SH3RF3: variants seen among roughly 807,000 people sequenced by gnomAD.
SH3RF3 encodes SH3 domain containing ring finger 3, also known as E3 ubiquitin-protein ligase SH3RF3.
Under a neutral mutation model 66.3 loss-of-function variants are expected in SH3RF3, and 29 were observed. That is an observed-to-expected ratio of 0.44 (90% CI 0.33 to 0.60). The LOEUF is 0.60. SH3RF3 is among the 20% of genes least tolerant of loss of function. SH3RF3 has a pLI of 0.04. For synonymous variants in SH3RF3, 583 were observed against 532.0 expected (o/e 1.10, Z -1.32); for missense variants, 1,194 against 1,190.9 (o/e 1.00, Z -0.04).
intron 1 of SH3RF3, among the ~76,000 whole-genome samples, chr2:109,280,163 T>A (rs1016611077): frequency 1.3e-5 from 2 of 152,292 alleles, no homozygotes; most frequent in Non-Finnish European, 2.9e-5. Context: ...CATAAAGAGC[T>A]GACATCTATA....
At chr2:109,428,540 T>C (rs1040130249) in intron 5 of SH3RF3, among the ~76,000 whole-genome samples, 1 of 152,230 alleles carries the variant, frequency 6.6e-6, no homozygotes, top group South Asian at 2.1e-4. Flanking sequence ...ACTGCACACC[T>C]GCCGCGGCCA....
chr2:109,400,226 G>T (rs182084265), intron 4 of SH3RF3, among the ~76,000 whole-genome samples: 5 of 151,662 alleles, frequency 3.3e-5, no homozygotes, highest in African/African-American at 9.7e-5. Context: ...ACACATGCAC[G>T]CACACACACA....
At chr2:109,145,572 G>A (rs1677074829) in intron 1 of SH3RF3, among the ~76,000 whole-genome samples, 1 of 152,192 alleles carries the variant, frequency 6.6e-6, no homozygotes, top group African/African-American at 2.4e-5. Context: ...CTGTCCGGGG[G>A]GCCTCACTGT....
chr2:109,281,091 T>G (rs1247786778), intron 1 of SH3RF3, among the ~76,000 whole-genome samples: 1 of 152,190 alleles, frequency 6.6e-6, no homozygotes, highest in African/African-American at 2.4e-5. Flanking sequence ...GACTGGTTAC[T>G]TACTGCACAC....
intron 1 of SH3RF3, among the ~76,000 whole-genome samples, chr2:109,200,802 C>T (rs1574500941): frequency 6.6e-6 from 1 of 152,364 alleles, no homozygotes; most frequent in Non-Finnish European, 1.5e-5. Context: ...AGAAGAAAAA[C>T]ACAGGGCCCT....
At chr2:109,145,425 T>C (rs1677071664) in intron 1 of SH3RF3, among the ~76,000 whole-genome samples, 1 of 152,208 alleles carries the variant, frequency 6.6e-6, no homozygotes, top group Admixed American at 6.5e-5. Flanking sequence ...GTTGGCTCTT[T>C]GCTTATGGAA....
At chr2:109,243,078 C>T (rs1411231619) in intron 1 of SH3RF3, among the ~76,000 whole-genome samples, 1 of 152,206 alleles carries the variant, frequency 6.6e-6, no homozygotes, top group African/African-American at 2.4e-5. Flanking sequence ...GTTCATATTC[C>T]TGTAGCGTCA....
chr2:109,491,625 G>A (rs149344412), intron 9 of SH3RF3, among the ~76,000 whole-genome samples: 37 of 152,246 alleles, frequency 2.4e-4, no homozygotes, highest in African/African-American at 8.4e-4. Flanking sequence ...GGCTAGAGGC[G>A]TACCTGGCTT....
At chr2:109,477,077 A>C (rs1573284438) in intron 8 of SH3RF3, among the ~76,000 whole-genome samples, 2 of 152,110 alleles carry the variant, frequency 1.3e-5, no homozygotes, top group Non-Finnish European at 2.9e-5. Context: ...CTGGGAATGC[A>C]CCCCAGTAGG....
At chr2:109,359,826 A>C (rs1683019016) in intron 2 of SH3RF3, among the ~76,000 whole-genome samples, 1 of 152,146 alleles carries the variant, frequency 6.6e-6, no homozygotes, top group East Asian at 1.9e-4. Flanking sequence ...TTTATTTTCC[A>C]CACATGCCCA....
chr2:109,397,216 A>G (rs1487142960), intron 3 of SH3RF3, among the ~76,000 whole-genome samples: 1 of 152,128 alleles, frequency 6.6e-6, no homozygotes, highest in Non-Finnish European at 1.5e-5. Context: ...ACTCAGAGAC[A>G]GCTCCCGCTT....
At chr2:109,455,727 C>T (rs1225268514) in intron 8 of SH3RF3, among the ~76,000 whole-genome samples, 5 of 152,202 alleles carry the variant, frequency 3.3e-5, no homozygotes, top group Non-Finnish European at 5.9e-5. Context: ...GACCCTTACT[C>T]GTCCATCCCA....
chr2:109,154,988 G>C (rs1677307406), intron 1 of SH3RF3, among the ~76,000 whole-genome samples: 1 of 152,220 alleles, frequency 6.6e-6, no homozygotes, highest in South Asian at 2.1e-4. Context: ...TTGATAGCCA[G>C]CCTTCATAGG....
Position 109,437,061 on chromosome 2 carries a change from C to T in SH3RF3, c.1743C>T (p.His581=). The T allele has an allele frequency of 6.2e-7, 1 of 1,613,820 alleles. No individual in the cohort carries two copies. The highest frequency in any genetic ancestry group is 1.3e-5 in the African/African-American group (1 of 75,072). The change falls in exon 7 of 10, where the codon CAC becomes CAT. Residue 581 remains histidine (H), a synonymous_variant. Coordinates refer to ENST00000309415, the MANE Select transcript of SH3RF3 (RefSeq NM_001099289.3). ...CCACTCCCCAGGCCCACGCCCAGCACCCCACAGCCTCGCCCCCAACAGGCA... is the reference window on the plus strand; with the variant it reads ...CCACTCCCCAGGCCCACGCCCAGCATCCCACAGCCTCGCCCCCAACAGGCA... The part of the protein sequence containing the change: ...PITTPQAHAQ[H]PTASPPTGSC...
chr2:109,198,076 G>C (rs1314375965), intron 1 of SH3RF3, among the ~76,000 whole-genome samples: 2 of 152,156 alleles, frequency 1.3e-5, no homozygotes, highest in Non-Finnish European at 2.9e-5. Context: ...TGTCAGTTGG[G>C]GGTGCTCGGG....
Position 109,432,480 on chromosome 2 carries a change from G to A in SH3RF3, c.1404-21G>A, listed in dbSNP as rs569116125. 2.5e-6 allele frequency: 4 copies of A among 1,612,120 alleles called. No individual in the cohort carries two copies. The African/African-American group carries it at 5.3e-5, about 22-fold the overall frequency. ...CCCCAGGAGGGCTCCCACTGACACT[G>A]GCCCCATGCTTTGCCCGCAGGTACC... On this transcript the variant is annotated intron_variant, in intron 5 of 9. Coordinates refer to ENST00000309415, the MANE Select transcript of SH3RF3 (RefSeq NM_001099289.3).
At chr2:109,306,945 G>A (rs1308289577) in intron 1 of SH3RF3, among the ~76,000 whole-genome samples, 5 of 152,222 alleles carry the variant, frequency 3.3e-5, no homozygotes, top group Non-Finnish European at 7.3e-5. Context: ...GGTGTGCTAT[G>A]GAGGTGTTTT....
chr2:109,239,105 GAC>G (rs1459232069), intron 1 of SH3RF3, among the ~76,000 whole-genome samples: 1 of 152,218 alleles, frequency 6.6e-6, no homozygotes. Context: ...AGACGTCCAA[GAC>G]ACGTCTTTTC....
chr2:109,295,092 A>G (rs536123623), intron 1 of SH3RF3, among the ~76,000 whole-genome samples: 7 of 152,348 alleles, frequency 4.6e-5, no homozygotes, highest in Non-Finnish European at 8.8e-5. Context: ...GAAAATTGAG[A>G]TGCAGACTTA....
Sources: gnomAD v4.1 joint callset for allele counts (sites outside exome capture counted in the v4.1 genomes callset) on GRCh38, gnomAD v4.1.1 for gene constraint, MANE v1.5 for transcripts, NCBI Gene and HGNC (gene_info 2026-07-23, HGNC 2026-07-21) for gene names.